The following PRDM16 variants were observed in gnomAD, a reference collection of about 807,000 sequenced individuals.
PRDM16 encodes histone-lysine N-methyltransferase PRDM16.
Under a neutral mutation model 110.6 loss-of-function variants are expected in PRDM16, and 23 were observed. The ratio of observed to expected loss-of-function variants is 0.21; its 90% CI spans 0.15 to 0.29. PRDM16 has a LOEUF of 0.29. PRDM16 is among the 10% of genes least tolerant of loss of function. The pLI is 1.00. For synonymous variants in PRDM16, 799 were observed against 781.8 expected, an observed-to-expected ratio of 1.02 and a Z score of -0.37; for missense variants, 1,615 against 1,794.3, an observed-to-expected ratio of 0.90 and a Z score of 1.81.
At chr1:3,146,802 T>TGCAC (rs2100714267) in intron 1 of PRDM16, among the ~76,000 whole-genome samples, 2 of 139,938 alleles carry the variant, frequency 1.4e-5, no homozygotes, top group South Asian at 2.4e-4. Context: ...GTGGGGTGTG[T>TGCAC]GTACGTGTGT....
chr1:3,244,824 G>A lies in PRDM16; in HGVS notation c.438+687G>A, dbSNP rs1009831710. ...GAGGAATGGCCTGGAAAGCAGCTCC[G>A]AAACCTAGAACCTGTTCAGCAGCCA... On this transcript the variant is annotated intron_variant, in intron 3 of 16. Transcript: ENST00000270722. The surrounding 1 kb of genome is among the most constrained non-coding windows in gnomAD (Gnocchi z 4.1). 7.9e-5 allele frequency among the ~76,000 whole-genome samples: 12 copies of A among 152,268 alleles called. No homozygotes were observed. The highest frequency in any genetic ancestry group is 3.9e-4 in the East Asian group (2 of 5,174).
rs566177649 is a variant in PRDM16 at position 3,408,329 on chromosome 1, CGT to C, written c.1186+2689_1186+2690del. 2.0e-4 allele frequency among the ~76,000 whole-genome samples: 31 copies of C among 152,228 alleles called. No individual in the cohort carries two copies. The South Asian group carries it at 6.4e-3, about 32-fold the overall frequency. ...ACCTGTGCCCTGGGCTGTGTACAAA[CGT>C]GTGTGTGCATGGGTGTAAGAGAAGG... On this transcript the variant is annotated intron_variant, in intron 8 of 16. Coordinates refer to ENST00000270722, the MANE Select transcript of PRDM16 (RefSeq NM_022114.4).
At chr1:3,231,352 G>A (rs1247399638) in intron 2 of PRDM16, among the ~76,000 whole-genome samples, 3 of 152,250 alleles carry the variant, frequency 2.0e-5, no homozygotes, top group Non-Finnish European at 4.4e-5. Context: ...GATGGGCCAG[G>A]CAGCGTTGCT....
intron 1 of PRDM16, among the ~76,000 whole-genome samples, chr1:3,118,063 ATGCATGTGTGTGTGCG>A (rs1318436628): frequency 6.7e-6 from 1 of 148,624 alleles, no homozygotes; most frequent in Non-Finnish European, 1.5e-5. Context: ...GTGTGTGTAC[ATGCATGTGTGTGTGCG>A]TGCATGTGTA....
intron 8 of PRDM16, among the ~76,000 whole-genome samples, chr1:3,407,320 A>G (rs976350903): frequency 2.4e-4 from 36 of 152,262 alleles, no homozygotes; most frequent in African/African-American, 8.4e-4. Flanking sequence ...CCTGGGCCAC[A>G]TGCCCCCACC....
chr1:3,396,105 C>G (rs1374740228), intron 4 of PRDM16, among the ~76,000 whole-genome samples: 1 of 152,206 alleles, frequency 6.6e-6, no homozygotes. Flanking sequence ...TCCCCCGCCG[C>G]CACTGGCAAA....
chr1:3,301,920 C>T (rs529886561), intron 3 of PRDM16, among the ~76,000 whole-genome samples: 4 of 152,272 alleles, frequency 2.6e-5, no homozygotes, highest in South Asian at 2.1e-4. Context: ...CCATCTGGCG[C>T]GTGTTGGTCA....
intron 3 of PRDM16, among the ~76,000 whole-genome samples, chr1:3,305,058 C>T (rs1330289520): frequency 2.6e-5 from 4 of 152,184 alleles, no homozygotes; most frequent in African/African-American, 4.8e-5. Flanking sequence ...GGTTGAGAAA[C>T]ACACATGTGC....
chr1:3,346,938 T>C (rs1349926946), intron 3 of PRDM16, among the ~76,000 whole-genome samples: 1 of 152,228 alleles, frequency 6.6e-6, no homozygotes, highest in African/African-American at 2.4e-5. Flanking sequence ...AATGAGGGAC[T>C]CCAGGCAGGC....
At chr1:3,161,758 G>T (rs900781090) in intron 1 of PRDM16, among the ~76,000 whole-genome samples, 5 of 152,226 alleles carry the variant, frequency 3.3e-5, no homozygotes, top group Non-Finnish European at 7.3e-5. Flanking sequence ...GATTTTTGCG[G>T]CACCTGAACA....
At chr1:3,312,366 T>A (rs1225906166) in intron 3 of PRDM16, among the ~76,000 whole-genome samples, 2 of 152,196 alleles carry the variant, frequency 1.3e-5, no homozygotes, top group East Asian at 3.9e-4. Context: ...TGAGGATCAC[T>A]GGGACAGGCA....
At chr1:3,296,444 C>T (rs1179270089) in intron 3 of PRDM16, among the ~76,000 whole-genome samples, 2 of 152,262 alleles carry the variant, frequency 1.3e-5, no homozygotes, top group Non-Finnish European at 2.9e-5. Flanking sequence ...GGAATGGGCA[C>T]AGCCTGGCCT....
intron 1 of PRDM16, among the ~76,000 whole-genome samples, chr1:3,149,831 C>T (rs571762433): frequency 2.0e-5 from 3 of 152,376 alleles, no homozygotes; most frequent in Admixed American, 6.5e-5. Context: ...AATCCACCCG[C>T]CCTACTCATC....
intron 3 of PRDM16, among the ~76,000 whole-genome samples, chr1:3,249,560 A>T (rs1230286265): frequency 6.7e-6 from 1 of 149,900 alleles, no homozygotes; most frequent in Non-Finnish European, 1.5e-5. Flanking sequence ...AAAAAAAAAA[A>T]TACACACCAA....
intron 3 of PRDM16, among the ~76,000 whole-genome samples, chr1:3,362,485 G>A (rs921583372): frequency 3.9e-5 from 6 of 152,138 alleles, no homozygotes. Flanking sequence ...GGTCAGGAGG[G>A]GCCAAGACAG....
chr1:3,139,488 G>A (rs1285690390), intron 1 of PRDM16, among the ~76,000 whole-genome samples: 1 of 152,230 alleles, frequency 6.6e-6, no homozygotes, highest in Non-Finnish European at 1.5e-5. Flanking sequence ...TGGCAGGGGC[G>A]GGGTCCCTCG....
At chr1:3,263,104 G>C (rs115011682) in intron 3 of PRDM16, among the ~76,000 whole-genome samples, 1,713 of 152,272 alleles carry the variant, frequency 0.011, 32 homozygotes, top group African/African-American at 0.039. Context: ...GGGCTCCACA[G>C]ACCCTGCAGC....
intron 1 of PRDM16, among the ~76,000 whole-genome samples, chr1:3,145,821 G>A (rs2100710819): frequency 6.6e-6 from 1 of 152,276 alleles, no homozygotes; most frequent in East Asian, 1.9e-4. Context: ...ATCTAGTCGG[G>A]GTCCATTTAA....
intron 3 of PRDM16, among the ~76,000 whole-genome samples, chr1:3,262,656 C>T (rs1015953022): frequency 1.3e-5 from 2 of 152,188 alleles, no homozygotes; most frequent in Non-Finnish European, 2.9e-5. Flanking sequence ...TTGAAAAGAA[C>T]CCACAGAGAA....
Sources: allele counts gnomAD v4.1 joint callset (sites outside exome capture counted in the v4.1 genomes callset), GRCh38; gene constraint gnomAD v4.1.1; non-coding constraint Gnocchi (gnomAD v3.1); transcripts MANE v1.5; gene names NCBI Gene and HGNC (gene_info 2026-07-23, HGNC 2026-07-21).